The following ANKRD30A variants were observed in gnomAD, a reference collection of about 807,000 sequenced individuals.
The protein encoded by ANKRD30A is ankyrin repeat domain-containing protein 30A.
ANKRD30A carries 170 observed loss-of-function variants against 166.3 expected under a neutral mutation model. The observed-to-expected ratio is 1.02, with a 90% CI of 0.90 to 1.16. The LOEUF (loss-of-function observed/expected upper bound fraction) is 1.16. ANKRD30A is among the 50% of genes most tolerant of loss of function. ANKRD30A has a pLI of 0.00. For missense variants in ANKRD30A, 1,630 were observed against 1,518.0 expected (o/e 1.07, Z -1.23); for synonymous variants, 564 against 508.9 (o/e 1.11, Z -1.46).
the ANKRD30A span, among the ~76,000 whole-genome samples, chr10:37,256,075 T>TA: frequency 1.3e-5 from 2 of 152,174 alleles, no homozygotes; most frequent in Non-Finnish European, 2.9e-5. Context: ...GCGCTGTCTG[T>TA]ATTCAGACTC....
At chr10:37,204,807 TC>T (rs1299101376) in intron 31 of ANKRD30A, among the ~76,000 whole-genome samples, 1 of 152,140 alleles carries the variant, frequency 6.6e-6, no homozygotes, top group Non-Finnish European at 1.5e-5. Context: ...CAGACACTTC[TC>T]AAAAGAAGAT....
At position 37,231,443 on chromosome 10, in the gene ANKRD30A, CT is replaced by C; in HGVS notation, c.4186-14del. ...AAAAAATAAAATACTAAGCATTTTC[CT>C]TTTGCAATCTTCACAGAACTCATGA... On this transcript the variant is annotated splice_polypyrimidine_tract_variant and intron_variant, in intron 34 of 35. Coordinates refer to ENST00000361713, the MANE Select transcript of ANKRD30A (RefSeq NM_052997.3). 1 of 1,582,492 alleles carries C rather than the reference CT, an allele frequency of 6.3e-7. No homozygotes were observed. The highest frequency in any genetic ancestry group is 1.8e-5 in the Admixed American group (1 of 56,924).
chr10:37,222,297 G>A (rs1148261), intron 34 of ANKRD30A, among the ~76,000 whole-genome samples: 147,850 of 151,310 alleles, frequency 0.98, 72,326 homozygotes, highest in Middle Eastern at 1. Context: ...GGCAACCATC[G>A]TCTAGTTTTT....
Position 37,216,217 on chromosome 10 carries a change from A to G in ANKRD30A, c.2906A>G (p.His969Arg), listed in dbSNP as rs188573808. ...CTATCAAAAATCTTGGATACAGTTC[A>G]TTCTTGTGAAAGAGCAAGGGAACTT... ...TSLSKILDTV[H>R]SCERARELQK... The change falls in exon 32 of 36, where the codon CAT becomes CGT. Residue 969 changes from histidine (H) to arginine (R), a missense_variant. Physicochemically the swap from His to Arg is conservative, Grantham distance 29. Transcript: ENST00000361713. The G allele has an allele frequency of 7.9e-5, 127 of 1,606,244 alleles. 2 individuals are homozygous for G. Among genetic ancestry groups the G allele is most frequent in the South Asian group, 5.8e-4 (53 of 90,800 alleles).
chr10:37,157,966 T>A (rs1326785167), intron 13 of ANKRD30A, among the ~76,000 whole-genome samples: 6 of 151,902 alleles, frequency 3.9e-5, no homozygotes, highest in Admixed American at 2.6e-4. Flanking sequence ...TTGACATAAG[T>A]GATTCTGACG....
chr10:37,184,371 A>G (rs1407506966), intron 24 of ANKRD30A: 1 of 51,578 alleles, frequency 1.9e-5, no homozygotes, highest in Non-Finnish European at 4.5e-5. Flanking sequence ...TTTTTTTAGT[A>G]GAAGCATTCA....
At position 37,193,065 on chromosome 10, in the gene ANKRD30A, G is replaced by A. The variant is rs1423306801; in HGVS notation, c.2514G>A (p.Glu838=). ...EIDKINGKLE[E]SPDNDGFLKA... is the part of the protein sequence containing the mutation. ...TTATATATGTCCCTTTTCTTTTAGA[G>A]TCTCCTGATAATGATGGTTTTCTGA... is the stretch of plus-strand genomic sequence containing the variant. Residue 838 remains glutamate, a splice_region_variant and synonymous_variant, in exon 26 of 36, where the codon GAG becomes GAA. Coordinates refer to ENST00000361713, the MANE Select transcript of ANKRD30A (RefSeq NM_052997.3). 2 of 1,609,830 alleles carry A rather than the reference G, an allele frequency of 1.2e-6. No individual in the cohort carries two copies. Among genetic ancestry groups the A allele is most frequent in the South Asian group, 2.2e-5 (2 of 90,918 alleles).
At chr10:37,190,289 G>A (rs140545965) in intron 25 of ANKRD30A, among the ~76,000 whole-genome samples, 2 of 151,824 alleles carry the variant, frequency 1.3e-5, no homozygotes, top group Non-Finnish European at 2.9e-5. Flanking sequence ...GATGCTGGTG[G>A]TCCTTGGACG....
At chr10:37,190,942 T>A (rs1588884122) in intron 25 of ANKRD30A, among the ~76,000 whole-genome samples, 2 of 151,870 alleles carry the variant, frequency 1.3e-5, no homozygotes, top group South Asian at 4.2e-4. Flanking sequence ...TTGGTAAAAT[T>A]GCCATTTTAT....
chr10:37,224,428 A>AT (rs1843037844), intron 34 of ANKRD30A, among the ~76,000 whole-genome samples: 1 of 150,696 alleles, frequency 6.6e-6, no homozygotes, highest in African/African-American at 2.4e-5. Flanking sequence ...TGAGCTACAT[A>AT]TATATATCAC....
rs576186480 is a variant in ANKRD30A at position 37,222,276 on chromosome 10, C to A, written c.4185+2379C>A. Among the ~76,000 whole-genome samples the A allele has an allele frequency of 2.0e-5, 3 of 151,404 alleles. No individual in the cohort carries two copies. The South Asian group carries it at 6.2e-4, about 31-fold the overall frequency. On this transcript the variant is annotated intron_variant, in intron 34 of 35. Transcript: ENST00000361713. Reference sequence around the variant, plus strand: ...GCCCACCTCCATGTTTCTTCACCTTCCCCAGTCCTAGGCAACCATCGTCTA... The same window carrying A: ...GCCCACCTCCATGTTTCTTCACCTTACCCAGTCCTAGGCAACCATCGTCTA...
chr10:37,204,068 G>A (rs968757940), intron 31 of ANKRD30A, among the ~76,000 whole-genome samples: 1 of 152,112 alleles, frequency 6.6e-6, no homozygotes, highest in Non-Finnish European at 1.5e-5. Flanking sequence ...ACTGCCCAAG[G>A]TAATTTATGG....
At chr10:37,250,463 C>T in the ANKRD30A span, among the ~76,000 whole-genome samples, 4 of 151,970 alleles carry the variant, frequency 2.6e-5, no homozygotes, top group South Asian at 2.1e-4. Context: ...CAGACTCTGA[C>T]GAGGGGTTCA....
chr10:37,165,745 A>G lies in ANKRD30A; in HGVS notation c.2064+590A>G, dbSNP rs544892142. On this transcript the variant is annotated intron_variant, in intron 18 of 35. Coordinates refer to ENST00000361713, the MANE Select transcript of ANKRD30A (RefSeq NM_052997.3). The stretch of plus-strand genomic sequence containing the variant: ...TTTGAAAAATATAAATTATATTTTC[A>G]CAAATAGAACTCCTTGAGTCCCCTT... Among the ~76,000 whole-genome samples, 64 of 152,272 alleles carry G rather than the reference A, an allele frequency of 4.2e-4. 1 individual carries two copies. The highest frequency in any genetic ancestry group is 1.2e-3 in the East Asian group (6 of 5,178).
intron 31 of ANKRD30A, among the ~76,000 whole-genome samples, chr10:37,207,991 CAT>C (rs1842081070): frequency 6.6e-6 from 1 of 151,946 alleles, no homozygotes; most frequent in East Asian, 1.9e-4. Flanking sequence ...TTTAATTAAA[CAT>C]ATCTGGGTAA....
rs1434956474 is a variant in ANKRD30A, at chr10:37,129,922, G to A, written c.251G>A (p.Gly84Asp). 5 of 1,569,786 alleles carry A rather than the reference G, an allele frequency of 3.2e-6. No individual in the cohort carries two copies. Among genetic ancestry groups the A allele is most frequent in the Admixed American group, 3.5e-5 (2 of 57,184 alleles). Residue 84 changes from glycine (G) to aspartate (D), a missense_variant, in exon 2 of 36, where the codon GGC becomes GAC. By Grantham distance (94) the Gly-to-Asp change is moderately conservative. Around this residue, in one of 4 missense-constraint regions of ANKRD30A, gnomAD observed 904 missense variants for 818.5 expected, o/e 1.10. Transcript: ENST00000361713. ...GCTCTACACTGGGCCTGTGTCAATG[G>A]CCATGAGGAAGTAGTAACATTTCTG... is the stretch of plus-strand genomic sequence containing the variant. ...RTALHWACVNGHEEVVTFLVD... is the reference protein window; with the variant it reads ...RTALHWACVNDHEEVVTFLVD...
rs1484271781 is a variant in ANKRD30A at position 37,179,056 on chromosome 10, A to G, written c.2421+2838A>G. Among the ~76,000 whole-genome samples, 242 of 114,330 alleles carry G rather than the reference A, an allele frequency of 2.1e-3. 1 individual carries two copies. The highest frequency in any genetic ancestry group is 2.8e-3 in the Admixed American group (32 of 11,308). 75.0% of individuals were successfully genotyped at this position (114,330 alleles called of 152,430 possible). A position where few individuals can be genotyped will look rare whatever the true frequency, so the allele number is the denominator to read the frequency against. ...TATATATATATATATATATATATATATATATATAGATGTGTGCATGTATGT... is the reference window on the plus strand; with the variant it reads ...TATATATATATATATATATATATATGTATATATAGATGTGTGCATGTATGT... On this transcript the variant is annotated intron_variant, in intron 24 of 35. Coordinates refer to ENST00000361713, the MANE Select transcript of ANKRD30A (RefSeq NM_052997.3).
At chr10:37,145,585 C>T (rs1450783063) in intron 8 of ANKRD30A, among the ~76,000 whole-genome samples, 3 of 151,618 alleles carry the variant, frequency 2.0e-5, no homozygotes, top group South Asian at 4.2e-4. Flanking sequence ...TAGTTTCAGA[C>T]ACTTGTGTAG....
At chr10:37,204,182 C>A (rs889340610) in intron 31 of ANKRD30A, among the ~76,000 whole-genome samples, 1 of 152,162 alleles carries the variant, frequency 6.6e-6, no homozygotes, top group Admixed American at 6.5e-5. Context: ...AGTGCCAAGA[C>A]GATCCTAAGC....
Sources: gnomAD v4.1 joint callset for allele counts (sites outside exome capture counted in the v4.1 genomes callset) on GRCh38, gnomAD v4.1.1 for gene constraint, gnomAD v4.1.1 regional missense constraint, MANE v1.5 for transcripts, NCBI Gene and HGNC (gene_info 2026-07-23, HGNC 2026-07-21) for gene names.